Variants in GRAMD1A observed in about 807,000 individuals in gnomAD.
The protein encoded by GRAMD1A is protein Aster-A.
A neutral mutation model predicts 92.0 loss-of-function variants in GRAMD1A; 50 were observed. That is an observed-to-expected ratio of 0.54 (90% CI 0.43 to 0.69). The LOEUF is 0.69. Ranked by LOEUF, GRAMD1A falls within the 30% of genes least tolerant of loss-of-function variation. The pLI, the probability that GRAMD1A is intolerant of heterozygous loss-of-function variation, is 0.00. For missense variants in GRAMD1A, 819 were observed against 978.9 expected, an observed-to-expected ratio of 0.84 and a Z score of 2.18; for synonymous variants, 405 against 403.6, an observed-to-expected ratio of 1.00 and a Z score of -0.04.
chr19:35,002,355 C>CTACA (rs2014441551), intron 1 of GRAMD1A: 2 of 152,360 alleles, frequency 1.3e-5, no homozygotes, highest in South Asian at 4.1e-4. Flanking sequence ...TCTCCACCAG[C>CTACA]TACAGCCACT....
rs985764606 is a variant in GRAMD1A at position 35,021,891 on chromosome 19, G to A, written c.1753+27G>A. ...TACGTTCCGTTGGGGCCGGGTTGGG[G>A]TAGGCGGAGGATCGGGGGTCCTGGA... On this transcript the variant is annotated intron_variant, in intron 15 of 19. Transcript: ENST00000317991. This position sits in a 1 kb window ranked among gnomAD's most constrained non-coding sequence, Gnocchi z 5.3. 4 of 1,607,496 alleles carry A rather than the reference G, an allele frequency of 2.5e-6. No individual in the cohort carries two copies. The highest frequency in any genetic ancestry group is 3.4e-6 in the Non-Finnish European group (4 of 1,175,916).
chr19:35,013,398 G>GT lies in GRAMD1A; in HGVS notation c.719+32dup, dbSNP rs1191509053. 1 of 1,512,204 alleles carries GT rather than the reference G, an allele frequency of 6.6e-7. No individual in the cohort carries two copies. The highest frequency in any genetic ancestry group is 9.1e-7 in the Non-Finnish European group (1 of 1,102,512). The allele number at this position is 1,512,204 out of a possible 1,614,324, so 93.7% of individuals were successfully genotyped here. A position where few individuals can be genotyped will look rare whatever the true frequency, so the allele number is the denominator to read the frequency against. ...GTTGGAGGTCAAAGGAGGTTGAAGG[G>GT]TTCGGGGGAGAACAGGACGGTCGGC... is the stretch of plus-strand genomic sequence containing the variant. On this transcript the variant is annotated intron_variant, in intron 8 of 19. Transcript: ENST00000317991. The surrounding 1 kb of genome is among the most constrained non-coding windows in gnomAD (Gnocchi z 4.9).
In GRAMD1A at chr19:35,026,035, C is replaced by T; in HGVS notation, c.2083-14C>T. On this transcript the variant is annotated splice_polypyrimidine_tract_variant and intron_variant, in intron 19 of 19. Coordinates refer to ENST00000317991, the MANE Select transcript of GRAMD1A (RefSeq NM_020895.5). Reference sequence around the variant, plus strand: ...CAGCGTTCACCCCCGACCCTGCTCACCTCCTCCCCGCAGATGAAGTTCTCG... The same window carrying T: ...CAGCGTTCACCCCCGACCCTGCTCATCTCCTCCCCGCAGATGAAGTTCTCG... 3 of 1,465,970 alleles carry T rather than the reference C, an allele frequency of 2.0e-6. No individual in the cohort carries two copies. The highest frequency in any genetic ancestry group is 2.9e-6 in the Non-Finnish European group (3 of 1,045,472). The allele number at this position is 1,465,970 out of a possible 1,614,324, so 90.8% of individuals were successfully genotyped here. A position where few individuals can be genotyped will look rare whatever the true frequency, so the allele number is the denominator to read the frequency against.
rs28413173 is a variant in GRAMD1A, at chr19:35,012,508, C to T, written c.607-748C>T. On this transcript the variant is annotated intron_variant, in intron 7 of 19. Transcript: ENST00000317991. ...GCCATGGGTGGCTGAAAGCTCAAGG[C>T]TCCCGAGGACACCTGGGAAAAGATT... 8.6e-3 allele frequency among the ~76,000 whole-genome samples: 1,318 copies of T among 152,376 alleles called. 90 individuals carry two copies. In the East Asian group the frequency reaches 0.17, roughly 20 times the overall value.
Position 35,013,282 on chromosome 19 carries a change from C to T in GRAMD1A, c.633C>T (p.His211=), listed in dbSNP as rs2015374024. Residue 211 remains histidine, a synonymous_variant, in exon 8 of 20, where the codon CAC becomes CAT. Transcript: ENST00000317991. The surrounding 1 kb of genome is among the most constrained non-coding windows in gnomAD (Gnocchi z 4.9). ...EKTLSPRELW[H]LVHQCYGSEL... ...CGCTGAGTCCCCGCGAGCTCTGGCACCTGGTGCATCAGTGCTACGGCTCAG... is the reference window on the plus strand; with the variant it reads ...CGCTGAGTCCCCGCGAGCTCTGGCATCTGGTGCATCAGTGCTACGGCTCAG... 1.3e-6 allele frequency: 2 copies of T among 1,548,146 alleles called. No homozygotes were observed. The highest frequency in any genetic ancestry group is 1.7e-6 in the Non-Finnish European group (2 of 1,144,652).
chr19:35,021,349 G>A lies in GRAMD1A; in HGVS notation c.1476-153G>A, dbSNP rs2016034909. On this transcript the variant is annotated intron_variant, in intron 13 of 19. Transcript: ENST00000317991. This position sits in a 1 kb window ranked among gnomAD's most constrained non-coding sequence, Gnocchi z 5.3. ...GCGGGTGGTGTATGGGGTATCCAGGGAAGCCATGGGGGGTAGGGAACCCAT... is the reference window on the plus strand; with the variant it reads ...GCGGGTGGTGTATGGGGTATCCAGGAAAGCCATGGGGGGTAGGGAACCCAT... Among the ~76,000 whole-genome samples the A allele has an allele frequency of 6.6e-6, 1 of 152,142 alleles. No homozygotes were observed. The highest frequency in any genetic ancestry group is 2.1e-4 in the South Asian group (1 of 4,834).
At chr19:34,998,705 A>T (rs966242669), upstream of GRAMD1A, 4 of 150,710 alleles carry the variant, frequency 2.7e-5, no homozygotes, top group Non-Finnish European at 5.9e-5. Flanking sequence ...AGGTGGTGGG[A>T]GGAGGGCCTC....
chr19:35,021,443 C>T lies in GRAMD1A; in HGVS notation c.1476-59C>T, dbSNP rs557557359. ...GAAGGAAAAAACTCAGCTTGTGGGA[C>T]GGGGCAGCCAGGGCTGGAGTCAGAC... On this transcript the variant is annotated intron_variant, in intron 13 of 19. Coordinates refer to ENST00000317991, the MANE Select transcript of GRAMD1A (RefSeq NM_020895.5). This position sits in a 1 kb window ranked among gnomAD's most constrained non-coding sequence, Gnocchi z 5.3. 9.2e-4 allele frequency: 1,158 copies of T among 1,264,812 alleles called. 3 individuals are homozygous for T. The highest frequency in any genetic ancestry group is 1.5e-3 in the South Asian group (124 of 83,916). The allele number at this position is 1,264,812 out of a possible 1,614,324, so 78.3% of individuals were successfully genotyped here. A position where few individuals can be genotyped will look rare whatever the true frequency, so the allele number is the denominator to read the frequency against.
At position 35,013,836 on chromosome 19, in the gene GRAMD1A, G is replaced by C. The variant is rs1600307362; in HGVS notation, c.870+145G>C. 6.3e-6 allele frequency: 5 copies of C among 789,784 alleles called. No homozygotes were observed. In the East Asian group the frequency reaches 1.3e-4, roughly 21 times the overall value. 48.9% of individuals were successfully genotyped at this position (789,784 alleles called of 1,614,324 possible). The stretch of plus-strand genomic sequence containing the variant: ...GGCCTGGATGGAGGAACAGGACAGG[G>C]AGGGGAAGACGGACATGTGACAGGG... On this transcript the variant is annotated intron_variant, in intron 9 of 19. Transcript: ENST00000317991. This position sits in a 1 kb window ranked among gnomAD's most constrained non-coding sequence, Gnocchi z 4.9.
chr19:34,995,331 T>C (rs538515623), upstream of GRAMD1A, among the ~76,000 whole-genome samples: 6 of 152,276 alleles, frequency 3.9e-5, no homozygotes, highest in Admixed American at 1.3e-4. Context: ...AGAGAGGAGC[T>C]ATGTGGTTCG....
chr19:35,000,265 G>A (rs927558024), upstream of GRAMD1A: 2 of 1,027,980 alleles, frequency 1.9e-6, no homozygotes, highest in African/African-American at 3.4e-5. This position sits in a 1 kb window ranked among gnomAD's most constrained non-coding sequence, Gnocchi z 4.9. Flanking sequence ...GTGACGCGGC[G>A]GGGCGGGGGA....
chr19:35,008,431 T>C (rs1166834588), intron 1 of GRAMD1A, among the ~76,000 whole-genome samples: 2 of 152,198 alleles, frequency 1.3e-5, no homozygotes, highest in South Asian at 4.1e-4. Flanking sequence ...GGTTCATGCC[T>C]GTAATCCCAG....
chr19:35,010,211 G>A lies in GRAMD1A; in HGVS notation c.429+16G>A, dbSNP rs764457936. ...GGAGACCACGGTGAGCCCGCAGCGG[G>A]GCAGGGTACAGGGGCGGGGGCCCCC... On this transcript the variant is annotated intron_variant, in intron 5 of 19. Coordinates refer to ENST00000317991, the MANE Select transcript of GRAMD1A (RefSeq NM_020895.5). The A allele has an allele frequency of 1.6e-5, 25 of 1,602,874 alleles. No homozygotes were observed. The Middle Eastern group carries it at 4.9e-4, about 32-fold the overall frequency.
intron 7 of GRAMD1A, among the ~76,000 whole-genome samples, chr19:35,012,768 A>G (rs2015331380): frequency 6.6e-6 from 1 of 152,232 alleles, no homozygotes; most frequent in South Asian, 2.1e-4. Context: ...CGAGGTCAGG[A>G]GTTCGAGACC....
At chr19:35,025,958 C>T in intron 19 of GRAMD1A, 91 bp from the exon 20 acceptor site, 1 of 762,392 alleles carries the variant, frequency 1.3e-6, no homozygotes, top group Non-Finnish European at 2.4e-6. Context: ...TCTAGACCGT[C>T]CTCAGTTTCT....
chr19:35,016,908 A>G (rs1455980458), intron 11 of GRAMD1A, among the ~76,000 whole-genome samples: 2 of 150,796 alleles, frequency 1.3e-5, no homozygotes, highest in African/African-American at 4.9e-5. Context: ...CTGTCTCAAA[A>G]AAAAAAAAAA....
chr19:35,015,710 C>T, intron 10 of GRAMD1A, 114 bp from the exon 11 acceptor site: 1 of 970,624 alleles, frequency 1.0e-6, no homozygotes, highest in Non-Finnish European at 1.5e-6. Flanking sequence ...AGCTGTGCTC[C>T]AGGAGGTGGG....
upstream of GRAMD1A, among the ~76,000 whole-genome samples, chr19:34,997,941 G>T (rs2014107533): frequency 6.6e-6 from 1 of 151,972 alleles, no homozygotes; most frequent in Non-Finnish European, 1.5e-5. Flanking sequence ...GGTGGCGCAT[G>T]CCTGTAATCC....
rs534160197 is a variant in GRAMD1A at position 35,020,207 on chromosome 19, C to T, written c.1475+674C>T. Reference sequence around the variant, plus strand: ...AGGAGTTCAAGAGTAGCCTGGGTAACGTACGGAAGCCCTGTCTCTACAAAA... The same window carrying T: ...AGGAGTTCAAGAGTAGCCTGGGTAATGTACGGAAGCCCTGTCTCTACAAAA... On this transcript the variant is annotated intron_variant, in intron 13 of 19. Coordinates refer to ENST00000317991, the MANE Select transcript of GRAMD1A (RefSeq NM_020895.5). Among the ~76,000 whole-genome samples, 17 of 152,238 alleles carry T rather than the reference C, an allele frequency of 1.1e-4. No homozygotes were observed. In the East Asian group the frequency reaches 2.3e-3, roughly 21 times the overall value.
Sources: allele counts gnomAD v4.1 joint callset (sites outside exome capture counted in the v4.1 genomes callset), GRCh38; gene constraint gnomAD v4.1.1; non-coding constraint Gnocchi (gnomAD v3.1); transcripts MANE v1.5; gene names NCBI Gene and HGNC (gene_info 2026-07-23, HGNC 2026-07-21).